Variants in ODR4 observed in about 807,000 individuals in gnomAD.
ODR4 encodes protein odr-4 homolog.
Under a neutral mutation model 60.2 loss-of-function variants are expected in ODR4, and 47 were observed. The ratio of observed to expected loss-of-function variants is 0.78; its 90% CI spans 0.62 to 1.00. The LOEUF (loss-of-function observed/expected upper bound fraction) is 1.00, where lower values mean the gene tolerates loss of function less well. Ranked by LOEUF, ODR4 falls within the 50% of genes least tolerant of loss-of-function variation. The pLI is 0.00. For missense variants in ODR4, 488 were observed against 530.8 expected (o/e 0.92, Z 0.79); for synonymous variants, 178 against 175.5 (o/e 1.01, Z -0.11).
intron 9 of ODR4, among the ~76,000 whole-genome samples, chr1:186,395,056 A>C (rs187587526): frequency 6.6e-6 from 1 of 152,168 alleles, no homozygotes; most frequent in African/African-American, 2.4e-5. Flanking sequence ...TAGAGAGATG[A>C]GTGGAAGATA....
downstream of ODR4, among the ~76,000 whole-genome samples, chr1:186,425,931 C>T (rs1183105171): frequency 6.6e-6 from 1 of 152,140 alleles, no homozygotes; most frequent in Non-Finnish European, 1.5e-5. Flanking sequence ...GTTTATTTCT[C>T]TCTTCTCCTG....
At chr1:186,389,681 T>G (rs987865793) in intron 6 of ODR4, 57 bp downstream of exon 6, 32 of 1,258,038 alleles carry the variant, frequency 2.5e-5, no homozygotes, top group Admixed American at 5.1e-5. Context: ...TCAATCAAAA[T>G]TCAGCTTTTA....
At chr1:186,401,043 G>A (rs1660923121) in intron 11 of ODR4, 1 of 1,591,466 alleles carries the variant, frequency 6.3e-7, no homozygotes, top group Non-Finnish European at 8.6e-7. Context: ...GGATTTGCAG[G>A]GTATGGGGAT....
In ODR4 at chr1:186,398,402, T is replaced by C; in HGVS notation, c.870T>C (p.Tyr290=). The change falls in exon 10 of 14, where the codon TAT becomes TAC. Residue 290 remains tyrosine, a synonymous_variant. Coordinates refer to ENST00000287859, the MANE Select transcript of ODR4 (RefSeq NM_017847.6). The part of the protein sequence containing the change: ...NLKGAVKCRA[Y]IHSSKPKVKD... ...AGGGTGCTGTGAAATGCAGAGCTTA[T>C]ATCCACAGCAGTAAACCCAAAGTTA... 1.9e-6 allele frequency: 3 copies of C among 1,609,286 alleles called. No homozygotes were observed. The highest frequency in any genetic ancestry group is 2.5e-6 in the Non-Finnish European group (3 of 1,177,262).
rs1196307539 is a variant in ODR4 at position 186,398,939 on chromosome 1, T to TAAA, written c.910-15_910-14insAAA. ...TTTATTTCTTACTGTGTTTTTTGTG[T>TAAA]GTTTTTCCCTGTAGGCAGTAAAGAG... On this transcript the variant is annotated splice_polypyrimidine_tract_variant and intron_variant, in intron 10 of 13. Transcript: ENST00000287859. 6.4e-7 allele frequency: 1 copy of TAAA among 1,559,656 alleles called. No homozygotes were observed. Among genetic ancestry groups the TAAA allele is most frequent in the Non-Finnish European group, 8.7e-7 (1 of 1,147,392 alleles).
chr1:186,388,558 G>T lies in ODR4; in HGVS notation c.437+10G>T. ...GTGCTTCTACAAAAAAGTATCTTTT[G>T]TTCAGTTTATGGTTTAAAAGTACAA... On this transcript the variant is annotated intron_variant, in intron 5 of 13. Coordinates refer to ENST00000287859, the MANE Select transcript of ODR4 (RefSeq NM_017847.6). The T allele has an allele frequency of 6.8e-7, 1 of 1,470,968 alleles. No homozygotes were observed. The highest frequency in any genetic ancestry group is 1.4e-5 in the African/African-American group (1 of 70,230). 91.1% of individuals were successfully genotyped at this position (1,470,968 alleles called of 1,614,324 possible).
At chr1:186,384,846 A>C (rs1660192930) in intron 3 of ODR4, among the ~76,000 whole-genome samples, 1 of 152,138 alleles carries the variant, frequency 6.6e-6, no homozygotes. Context: ...ACACCGAAAG[A>C]CATAGTGCAA....
At chr1:186,431,630 G>A in the ODR4 span, among the ~76,000 whole-genome samples, 1 of 152,254 alleles carries the variant, frequency 6.6e-6, no homozygotes, top group Admixed American at 6.5e-5. Flanking sequence ...TATTTTTATG[G>A]AAGCCAATGA....
chr1:186,426,111 T>C (rs1661876233), downstream of ODR4, among the ~76,000 whole-genome samples: 1 of 152,210 alleles, frequency 6.6e-6, no homozygotes, highest in African/African-American at 2.4e-5. Context: ...GCCTTTCTGT[T>C]TTCTCATTGA....
chr1:186,393,078 A>G (rs780171967), intron 8 of ODR4, among the ~76,000 whole-genome samples: 58 of 152,178 alleles, frequency 3.8e-4, no homozygotes, highest in Non-Finnish European at 7.5e-4. Flanking sequence ...TCTGACTTAT[A>G]AGTGGGAGCC....
chr1:186,422,201 G>C (rs1253501412), downstream of ODR4, among the ~76,000 whole-genome samples: 1 of 151,978 alleles, frequency 6.6e-6, no homozygotes, highest in East Asian at 1.9e-4. Flanking sequence ...TAGCTTTAGT[G>C]ATATTAAATC....
In ODR4 at chr1:186,421,199, T is replaced by A. The variant is rs541920983; in HGVS notation, c.*2123T>A. 11 of 152,336 alleles carry A rather than the reference T, an allele frequency of 7.2e-5. No individual in the cohort carries two copies. Among genetic ancestry groups the A allele is most frequent in the South Asian group, 6.2e-4 (3 of 4,832 alleles). The allele number at this position is 152,336 out of a possible 1,614,324, so 9.4% of individuals were successfully genotyped here. A position where few individuals can be genotyped will look rare whatever the true frequency, so the allele number is the denominator to read the frequency against. On this transcript the variant is annotated 3_prime_UTR_variant, in exon 14 of 14. Coordinates refer to ENST00000287859, the MANE Select transcript of ODR4 (RefSeq NM_017847.6). The stretch of plus-strand genomic sequence containing the variant: ...CAGTAAAGAGACTACAAAAGGATGA[T>A]CTTCAAGAAGGGAAATGATTCTAAA...
rs181113845 is a variant in ODR4, at chr1:186,414,504, T to C, written c.1187-3040T>C. On this transcript the variant is annotated intron_variant, in intron 12 of 13. Transcript: ENST00000287859. ...TATAAGGATTTTATTGGCCCAAATATGGGGGAAAAAAACAAAAACCTTTTT... is the reference window on the plus strand; with the variant it reads ...TATAAGGATTTTATTGGCCCAAATACGGGGGAAAAAAACAAAAACCTTTTT... 1.9e-3 allele frequency among the ~76,000 whole-genome samples: 282 copies of C among 151,122 alleles called. 1 individual carries two copies. The highest frequency in any genetic ancestry group is 6.5e-3 in the African/African-American group (266 of 41,136).
At position 186,406,205 on chromosome 1, in the gene ODR4, A is replaced by G. The variant is rs1308668267; in HGVS notation, c.1123A>G (p.Met375Val). ...AGCTGAAGAAATCAGGGACCATTTT[A>G]TGGAGATGTTGGATCACACAATTCA... ...ESAEEIRDHF[M>V]EMLDHTIQIE... Residue 375 changes from methionine (M) to valine (V), a missense_variant, in exon 12 of 14, where the codon ATG becomes GTG. Transcript: ENST00000287859. 6.2e-7 allele frequency: 1 copy of G among 1,611,926 alleles called. No individual in the cohort carries two copies. Among genetic ancestry groups the G allele is most frequent in the East Asian group, 2.2e-5 (1 of 44,710 alleles).
Position 186,418,313 on chromosome 1 carries a change from C to T in ODR4, c.1297+659C>T, listed in dbSNP as rs1330979539. Among the ~76,000 whole-genome samples, 8 of 128,326 alleles carry T rather than the reference C, an allele frequency of 6.2e-5. No individual in the cohort carries two copies. In the South Asian group the frequency reaches 1.5e-3, roughly 23 times the overall value. 84.2% of individuals were successfully genotyped at this position (128,326 alleles called of 152,430 possible). On this transcript the variant is annotated intron_variant, in intron 13 of 13. Transcript: ENST00000287859. ...TCTTTTTTTTTTTTTTTTTTTGAGA[C>T]GGAGTCTCGCTCTGTCGCCCAGGCT...
chr1:186,422,730 A>G (rs1005906126), downstream of ODR4, among the ~76,000 whole-genome samples: 8 of 152,214 alleles, frequency 5.3e-5, no homozygotes, highest in African/African-American at 1.7e-4. Flanking sequence ...TAGCTGAAAC[A>G]GCACTTTGAG....
At chr1:186,389,667 A>G (rs1330147041) in intron 6 of ODR4, 43 bp downstream of exon 6, 2 of 1,332,594 alleles carry the variant, frequency 1.5e-6, no homozygotes, top group Non-Finnish European at 1.0e-6. Flanking sequence ...GTCACAAAGT[A>G]TTTTCAATCA....
At chr1:186,411,808 C>T (rs1483754534) in intron 12 of ODR4, 1 of 924,884 alleles carries the variant, frequency 1.1e-6, no homozygotes, top group Non-Finnish European at 1.3e-6. Context: ...TTTATGCTGA[C>T]AGTCTAGTAT....
At chr1:186,414,362 AAT>A (rs150694413) in intron 12 of ODR4, among the ~76,000 whole-genome samples, 20,381 of 151,970 alleles carry the variant, frequency 0.13, 1,485 homozygotes, top group Non-Finnish European at 0.16. Flanking sequence ...ATATATAAGT[AAT>A]ATATTATGAC....
Sources: allele counts gnomAD v4.1 joint callset (sites outside exome capture counted in the v4.1 genomes callset), GRCh38; gene constraint gnomAD v4.1.1; transcripts MANE v1.5; gene names NCBI Gene and HGNC (gene_info 2026-07-23, HGNC 2026-07-21).